The following ANGPTL3 variants were observed in gnomAD, a reference collection of about 807,000 sequenced individuals.
ANGPTL3 encodes the protein angiopoietin-related protein 3.
In ANGPTL3, 51 loss-of-function variants were observed where a neutral mutation model predicts 52.7. That is an observed-to-expected ratio of 0.97 (90% CI 0.77 to 1.22). The LOEUF (loss-of-function observed/expected upper bound fraction) is 1.22. Among genes scored for constraint, ANGPTL3 ranks in the 50% most tolerant of loss-of-function variants. The probability of loss-of-function intolerance (pLI) is 0.00; values close to 1 mark genes in which losing one functional copy is unlikely to be tolerated. For synonymous variants in ANGPTL3, 185 were observed against 179.8 expected (o/e 1.03, Z -0.23); for missense variants, 506 against 520.7 (o/e 0.97, Z 0.27).
Position 62,604,864 on chromosome 1 carries a change from C to A in ANGPTL3, c.*47C>A. 6.5e-7 allele frequency: 1 copy of A among 1,527,226 alleles called. No homozygotes were observed. The highest frequency in any genetic ancestry group is 1.1e-5 in the South Asian group (1 of 88,312). The allele number at this position is 1,527,226 out of a possible 1,614,324, so 94.6% of individuals were successfully genotyped here. A position where few individuals can be genotyped will look rare whatever the true frequency, so the allele number is the denominator to read the frequency against. ...AATAATTTAAACATTAACCTCATTC[C>A]AAGTTAATGTGGTCTAATAATCTGG... is the stretch of plus-strand genomic sequence containing the variant. On this transcript the variant is annotated 3_prime_UTR_variant, in exon 7 of 7. Transcript: ENST00000371129.
rs1003289828 is a variant in ANGPTL3, at chr1:62,598,757, A to G, written c.557A>G (p.Tyr186Cys). ...KDLLQTVEDQ[Y>C]KQLNQQHSQI... is the part of the protein sequence containing the mutation. Reference sequence around the variant, plus strand: ...CTTCTCCAGACCGTGGAAGACCAATATAAACAATTAAACCAACAGCATAGT... The same window carrying G: ...CTTCTCCAGACCGTGGAAGACCAATGTAAACAATTAAACCAACAGCATAGT... Residue 186 changes from tyrosine to cysteine, a missense_variant, in exon 2 of 7, where the codon TAT becomes TGT. By Grantham distance (194) the Tyr-to-Cys change is radical. Coordinates refer to ENST00000371129, the MANE Select transcript of ANGPTL3 (RefSeq NM_014495.4). 4 of 1,611,242 alleles carry G rather than the reference A, an allele frequency of 2.5e-6. No individual in the cohort carries two copies. The highest frequency in any genetic ancestry group is 3.4e-6 in the Non-Finnish European group (4 of 1,177,952).
chr1:62,602,278 T>C lies in ANGPTL3; in HGVS notation c.836-7T>C, dbSNP rs1488608057. 3 of 1,596,090 alleles carry C rather than the reference T, an allele frequency of 1.9e-6. No homozygotes were observed. The highest frequency in any genetic ancestry group is 2.2e-5 in the South Asian group (2 of 90,648). The stretch of plus-strand genomic sequence containing the variant: ...TAAAAATACATGATTTCATTCATTA[T>C]ATTCAGGTAGTCCATGGACATTAAT... On this transcript the variant is annotated splice_polypyrimidine_tract_variant and splice_region_variant and intron_variant, in intron 4 of 6. Transcript: ENST00000371129.
At chr1:62,603,855 G>A in intron 5 of ANGPTL3, 114 bp from the exon 6 acceptor site, 2 of 961,212 alleles carry the variant, frequency 2.1e-6, no homozygotes, top group African/African-American at 1.6e-5. Context: ...AAATGATCAA[G>A]GGATTCAAGA....
rs1370036768 is a variant in ANGPTL3 at position 62,603,005 on chromosome 1, AAGT to A, written c.931+628_931+630del. 2.0e-5 allele frequency among the ~76,000 whole-genome samples: 3 copies of A among 151,850 alleles called. No individual in the cohort carries two copies. The East Asian group carries it at 5.8e-4, about 29-fold the overall frequency. ...AATGATGTCTAAGTACTCACTTATA[AAGT>A]AGAAGACATTCATTATTATATCAAA... On this transcript the variant is annotated intron_variant, in intron 5 of 6. Transcript: ENST00000371129.
chr1:62,602,184 C>G, intron 4 of ANGPTL3, 101 bp from the exon 5 acceptor site: 2 of 958,028 alleles, frequency 2.1e-6, no homozygotes, highest in Non-Finnish European at 3.3e-6. Context: ...AATAAACTAC[C>G]TTACAAAACC....
At chr1:62,604,536 A>G (rs1650663200) in intron 6 of ANGPTL3, 97 bp from the exon 7 acceptor site, 6 of 1,282,294 alleles carry the variant, frequency 4.7e-6, no homozygotes, top group Admixed American at 3.7e-5. Flanking sequence ...AAACACTGTA[A>G]TATTTATAAG....
At position 62,597,969 on chromosome 1, in the gene ANGPTL3, C is replaced by T. The variant is rs1649532931; in HGVS notation, c.403C>T (p.Gln135Ter). 1 of 1,556,532 alleles carries T rather than the reference C, an allele frequency of 6.4e-7. No homozygotes were observed. Among genetic ancestry groups the T allele is most frequent in the East Asian group, 2.3e-5 (1 of 44,268 alleles). ...CCTCCTAGAAGAAAAAATTCTACTT[C>T]AACAAAAAGTGAAATATTTAGAAGA... ...ESLLEEKILL[Q>*]QKVKYLEEQL... Residue 135 changes from glutamine (Q) to a stop codon, truncating the protein, a stop_gained, in exon 1 of 7, where the codon CAA (glutamine) becomes TAA (stop). Transcript: ENST00000371129. LOFTEE classifies it high-confidence loss of function.
chr1:62,601,205 C>T lies in ANGPTL3; in HGVS notation c.721+9C>T, dbSNP rs1650068540. ...AAATGTAAAACATGATGGTAAGACA[C>T]TTTGGTGGGTTTCCTTCTTGAAGCT... On this transcript the variant is annotated intron_variant, in intron 3 of 6. Transcript: ENST00000371129. The T allele has an allele frequency of 6.5e-7, 1 of 1,542,100 alleles. No homozygotes were observed. The highest frequency in any genetic ancestry group is 9.0e-7 in the Non-Finnish European group (1 of 1,115,396).
rs1327166269 is a variant in ANGPTL3, at chr1:62,605,055, C to A, written c.*238C>A. 10 of 436,630 alleles carry A rather than the reference C, an allele frequency of 2.3e-5. No homozygotes were observed. Among genetic ancestry groups the A allele is most frequent in the Non-Finnish European group, 2.9e-5 (7 of 242,580 alleles). The allele number at this position is 436,630 out of a possible 1,614,324, so 27.0% of individuals were successfully genotyped here. ...GTTTTAAATTTTGTGATGTGGGAATCAATTTTAGATGGTCACAATCTAGAT... is the reference window on the plus strand; with the variant it reads ...GTTTTAAATTTTGTGATGTGGGAATAAATTTTAGATGGTCACAATCTAGAT... On this transcript the variant is annotated 3_prime_UTR_variant, in exon 7 of 7. Transcript: ENST00000371129.
In ANGPTL3 at chr1:62,597,716, C is replaced by G; in HGVS notation, c.150C>G (p.Leu50=). ...LDDVKILANG[L]LQLGHGLKDF... is the part of the protein sequence containing the mutation. ...ATGTAAAAATTTTAGCCAATGGCCT[C>G]CTTCAGTTGGGACATGGTCTTAAAG... is the stretch of plus-strand genomic sequence containing the variant. Residue 50 remains leucine (L), a synonymous_variant, in exon 1 of 7, where the codon CTC becomes CTG. Transcript: ENST00000371129. 6.2e-7 allele frequency: 1 copy of G among 1,613,534 alleles called. No homozygotes were observed. Among genetic ancestry groups the G allele is most frequent in the Non-Finnish European group, 8.5e-7 (1 of 1,179,720 alleles).
rs768364150 is a variant in ANGPTL3, at chr1:62,602,386, G to A, written c.931+6G>A. 6 of 1,607,016 alleles carry A rather than the reference G, an allele frequency of 3.7e-6. No homozygotes were observed. Among genetic ancestry groups the A allele is most frequent in the Non-Finnish European group, 4.3e-6 (5 of 1,174,316 alleles). On this transcript the variant is annotated splice_donor_region_variant and intron_variant, in intron 5 of 6. Transcript: ENST00000371129. The stretch of plus-strand genomic sequence containing the variant: ...TGGTTTTGGGAGGCTTGATGGTAAG[G>A]GGACTACATTCAATCATTCATTCAC...
chr1:62,601,960 CATT>C (rs1471757687), intron 4 of ANGPTL3, 78 bp downstream of exon 4: 4 of 859,478 alleles, frequency 4.7e-6, no homozygotes, highest in Non-Finnish European at 5.9e-6. Flanking sequence ...ACCTGGTTAT[CATT>C]GTTTTATACA....
rs1311699486 is a variant in ANGPTL3 at position 62,604,245 on chromosome 1, T to C, written c.1198+10T>C. ...CCAGAGGGTTATTCAGGTATCTTTTTCTGATACCAATACTTTATTTTCATA... is the reference window on the plus strand; with the variant it reads ...CCAGAGGGTTATTCAGGTATCTTTTCCTGATACCAATACTTTATTTTCATA... On this transcript the variant is annotated intron_variant, in intron 6 of 6. Transcript: ENST00000371129. 6.2e-7 allele frequency: 1 copy of C among 1,612,474 alleles called. No individual in the cohort carries two copies. Among genetic ancestry groups the C allele is most frequent in the East Asian group, 2.2e-5 (1 of 44,834 alleles).
Position 62,604,726 on chromosome 1 carries a change from G to A in ANGPTL3, c.1292G>A (p.Gly431Glu), listed in dbSNP as rs1372959784. Residue 431 changes from glycine to glutamate, a missense_variant, in exon 7 of 7, where the codon GGA (glycine) becomes GAA (glutamate). Coordinates refer to ENST00000371129, the MANE Select transcript of ANGPTL3 (RefSeq NM_014495.4). ...RAKSKPERRR[G>E]LSWKSQNGRL... is the part of the protein sequence containing the mutation. ...AAATCTAAGCCAGAGAGGAGAAGAG[G>A]ATTATCTTGGAAGTCTCAAAATGGA... is the stretch of plus-strand genomic sequence containing the variant. 1 of 1,613,140 alleles carries A rather than the reference G, an allele frequency of 6.2e-7. No homozygotes were observed. Among genetic ancestry groups the A allele is most frequent in the Non-Finnish European group, 8.5e-7 (1 of 1,179,380 alleles).
intron 6 of ANGPTL3, 126 bp downstream of exon 6, chr1:62,604,361 G>A (rs576229047): frequency 1.4e-5 from 17 of 1,186,030 alleles, no homozygotes; most frequent in African/African-American, 6.1e-5. Context: ...CTCTCTAGAC[G>A]AAAACCTCTT....
intron 3 of ANGPTL3, 69 bp from the exon 4 acceptor site, chr1:62,601,700 G>T: frequency 1.8e-6 from 2 of 1,117,176 alleles, no homozygotes; most frequent in East Asian, 2.4e-5. Flanking sequence ...AATGTCAAGT[G>T]AAATCTCAAG....
chr1:62,604,969 A>T lies in ANGPTL3; in HGVS notation c.*152A>T. ...CTGTCTATTTAAGATTAAACATACA[A>T]TCACATAACCTTAAAGAATACCGTT... On this transcript the variant is annotated 3_prime_UTR_variant, in exon 7 of 7. Coordinates refer to ENST00000371129, the MANE Select transcript of ANGPTL3 (RefSeq NM_014495.4). 1.4e-6 allele frequency: 1 copy of T among 722,508 alleles called. No individual in the cohort carries two copies. The highest frequency in any genetic ancestry group is 2.3e-6 in the Non-Finnish European group (1 of 436,018). The allele number at this position is 722,508 out of a possible 1,614,324, so 44.8% of individuals were successfully genotyped here.
chr1:62,604,539 T>C (rs1571735148), intron 6 of ANGPTL3, 94 bp from the exon 7 acceptor site: 2 of 1,315,314 alleles, frequency 1.5e-6, no homozygotes, highest in Admixed American at 1.8e-5. Context: ...CACTGTAATA[T>C]TTATAAGAAA....
chr1:62,599,508 A>G (rs894898957), intron 2 of ANGPTL3, among the ~76,000 whole-genome samples: 3 of 151,686 alleles, frequency 2.0e-5, no homozygotes, highest in Non-Finnish European at 4.4e-5. Context: ...TCTCCTGCAC[A>G]CTCACCTTTA....
Sources: allele counts gnomAD v4.1 joint callset (sites outside exome capture counted in the v4.1 genomes callset), GRCh38; gene constraint gnomAD v4.1.1; transcripts MANE v1.5; gene names NCBI Gene and HGNC (gene_info 2026-07-23, HGNC 2026-07-21).